Variants in TMEM63B observed in about 807,000 individuals in gnomAD.
The protein encoded by TMEM63B is mechanosensitive cation channel TMEM63B.
Under a neutral mutation model 102.6 loss-of-function variants are expected in TMEM63B, and 23 were observed. The observed-to-expected ratio is 0.22, with a 90% CI of 0.16 to 0.32. The LOEUF (loss-of-function observed/expected upper bound fraction) is 0.32. TMEM63B is among the 10% of genes least tolerant of loss of function. TMEM63B has a pLI of 1.00. For synonymous variants in TMEM63B, 444 were observed against 437.0 expected (o/e 1.02, Z -0.20); for missense variants, 628 against 1,095.9 (o/e 0.57, Z 6.03).
rs367565367 is a variant in TMEM63B, at chr6:44,154,826, G to A, written c.2442G>A (p.Thr814=). Residue 814 remains threonine, a synonymous_variant, in exon 24 of 24, where the codon ACG becomes ACA. Transcript: ENST00000323267. ...TGCTGATGCCACCCGACGCCCTCAC[G>A]GACACAGACTTCCAGTCTTGCGAGG... ...EELLMPPDAL[T]DTDFQSCEDS... is the part of the protein sequence containing the mutation. 3.0e-5 allele frequency: 49 copies of A among 1,609,672 alleles called. No individual in the cohort carries two copies. In the African/African-American group the frequency reaches 5.8e-4, roughly 19 times the overall value.
intron 6 of TMEM63B, 52 bp from the exon 7 acceptor site, chr6:44,139,415 C>A: frequency 6.2e-7 from 1 of 1,601,096 alleles, no homozygotes; most frequent in Non-Finnish European, 8.5e-7. Flanking sequence ...TTGCAGCCCC[C>A]TTCTTGCCCT....
Position 44,148,180 on chromosome 6 carries a change from G to C in TMEM63B, c.988-72G>C, listed in dbSNP as rs1765827960. On this transcript the variant is annotated intron_variant, in intron 12 of 23. Coordinates refer to ENST00000323267, the MANE Select transcript of TMEM63B (RefSeq NM_018426.3). This position sits in a 1 kb window ranked among gnomAD's most constrained non-coding sequence, Gnocchi z 5.1. Reference sequence around the variant, plus strand: ...CTGGCTTGTAGGAAGCCCCAAGTCAGCGTGGGCTGGATGCTGCAGGCCCCA... The same window carrying C: ...CTGGCTTGTAGGAAGCCCCAAGTCACCGTGGGCTGGATGCTGCAGGCCCCA... 1.3e-6 allele frequency: 2 copies of C among 1,588,778 alleles called. No homozygotes were observed. The highest frequency in any genetic ancestry group is 1.7e-6 in the Non-Finnish European group (2 of 1,167,352).
Position 44,150,929 on chromosome 6 carries a change from G to A in TMEM63B, c.1673+300G>A, listed in dbSNP as rs746997347. Among the ~76,000 whole-genome samples the A allele has an allele frequency of 1.8e-4, 28 of 152,164 alleles. No individual in the cohort carries two copies. The highest frequency in any genetic ancestry group is 2.5e-4 in the Non-Finnish European group (17 of 68,028). On this transcript the variant is annotated intron_variant, in intron 18 of 23. Coordinates refer to ENST00000323267, the MANE Select transcript of TMEM63B (RefSeq NM_018426.3). The surrounding 1 kb of genome is among the most constrained non-coding windows in gnomAD (Gnocchi z 4.7). ...CCACATTCTGGTAGTTTCTATGGGG[G>A]TGTCTTGTGCCCATATTCTGGGACT... is the stretch of plus-strand genomic sequence containing the variant.
At chr6:44,144,672 C>T (rs10428725) in intron 10 of TMEM63B, among the ~76,000 whole-genome samples, 26,602 of 151,760 alleles carry the variant, frequency 0.18, 2,596 homozygotes, top group Non-Finnish European at 0.22. Flanking sequence ...TCATAGCTCA[C>T]TGCAGCCTTG....
intron 4 of TMEM63B, among the ~76,000 whole-genome samples, chr6:44,135,775 C>T (rs935690735): frequency 6.6e-6 from 1 of 152,212 alleles, no homozygotes; most frequent in African/African-American, 2.4e-5. Context: ...TTCTGGAGGC[C>T]TGGGAGGAGG....
intron 1 of TMEM63B, among the ~76,000 whole-genome samples, chr6:44,128,636 A>G (rs1209027126): frequency 6.6e-6 from 1 of 152,188 alleles, no homozygotes; most frequent in Non-Finnish European, 1.5e-5. Flanking sequence ...TGAGCACTCC[A>G]CCGCCCTGGG....
Position 44,150,714 on chromosome 6 carries a change from G to A in TMEM63B, c.1673+85G>A. 1.4e-6 allele frequency: 2 copies of A among 1,399,740 alleles called. No homozygotes were observed. Among genetic ancestry groups the A allele is most frequent in the Non-Finnish European group, 2.0e-6 (2 of 995,026 alleles). 86.7% of individuals were successfully genotyped at this position (1,399,740 alleles called of 1,614,324 possible). On this transcript the variant is annotated intron_variant, in intron 18 of 23. Coordinates refer to ENST00000323267, the MANE Select transcript of TMEM63B (RefSeq NM_018426.3). The surrounding 1 kb of genome is among the most constrained non-coding windows in gnomAD (Gnocchi z 4.7). ...GACATTGCCAGCCCCATGGGAGGGT[G>A]CAACAAAGCTTCCAACTCCTGGAGG...
At position 44,154,744 on chromosome 6, in the gene TMEM63B, G is replaced by A. The variant is rs948115415; in HGVS notation, c.2360G>A (p.Gly787Glu). ...QDSEVDGDGDGAPGSSGDEPP... is the reference protein window; with the variant it reads ...QDSEVDGDGDEAPGSSGDEPP... ...TCAGAGGTGGACGGGGATGGGGATG[G>A]GGCTCCTGGGAGCTCAGGGGATGAG... Residue 787 changes from glycine (G) to glutamate (E), a missense_variant, in exon 24 of 24, where the codon GGG (glycine) becomes GAG (glutamate). By Grantham distance (98) the Gly-to-Glu change is moderately conservative (BLOSUM62 -2). This residue lies in a region of TMEM63B where 129 missense variants were observed against 153.5 expected (regional missense o/e 0.84). Coordinates refer to ENST00000323267, the MANE Select transcript of TMEM63B (RefSeq NM_018426.3). 1 of 1,594,034 alleles carries A rather than the reference G, an allele frequency of 6.3e-7. No individual in the cohort carries two copies.
chr6:44,152,091 A>AG lies in TMEM63B; in HGVS notation c.1836+87dup, dbSNP rs1766797306. 6 of 1,469,740 alleles carry AG rather than the reference A, an allele frequency of 4.1e-6. No homozygotes were observed. Among genetic ancestry groups the AG allele is most frequent in the Non-Finnish European group, 5.4e-6 (6 of 1,106,398 alleles). 91.0% of individuals were successfully genotyped at this position (1,469,740 alleles called of 1,614,324 possible). On this transcript the variant is annotated intron_variant, in intron 19 of 23. Transcript: ENST00000323267. This position sits in a 1 kb window ranked among gnomAD's most constrained non-coding sequence, Gnocchi z 6.4. ...AACAGCAGCCATCGCGCTAGGGTTG[A>AG]GGGGCACAGGAGGGCTGAGACTTGG...
rs771710557 is a variant in TMEM63B, at chr6:44,151,994, C to T, written c.1822C>T (p.Arg608Cys). 1.9e-6 allele frequency: 3 copies of T among 1,609,898 alleles called. No individual in the cohort carries two copies. The highest frequency in any genetic ancestry group is 2.2e-5 in the East Asian group (1 of 44,714). ...CCTGGCGCGCTCGGCCGCCGAGAGG[C>T]GCAACGTGAAGCGGGTACGGCCGCC... ...LCLARSAAER[R>C]NVKRHQAYEF... The change falls in exon 19 of 24, where the codon CGC becomes TGC. Residue 608 changes from arginine to cysteine, a missense_variant. Coordinates refer to ENST00000323267, the MANE Select transcript of TMEM63B (RefSeq NM_018426.3).
At chr6:44,134,875 G>A (rs747056466) in intron 2 of TMEM63B, 132 bp downstream of exon 2, 85 of 1,492,550 alleles carry the variant, frequency 5.7e-5, no homozygotes, top group Admixed American at 1.1e-4. Context: ...CCATCATCCA[G>A]CCCAAGCCTC....
In TMEM63B at chr6:44,152,773, C is replaced by A; in HGVS notation, c.1942+75C>A. ...CTTCACCCTCTCCACTCTAGGAATG[C>A]AGGCCACCCCGAGTGGACAGGGCCC... On this transcript the variant is annotated intron_variant, in intron 20 of 23. Transcript: ENST00000323267. The surrounding 1 kb of genome is among the most constrained non-coding windows in gnomAD (Gnocchi z 6.4). 3 of 1,275,932 alleles carry A rather than the reference C, an allele frequency of 2.4e-6. No homozygotes were observed. The highest frequency in any genetic ancestry group is 1.8e-5 in the Admixed American group (1 of 54,458). The allele number at this position is 1,275,932 out of a possible 1,614,324, so 79.0% of individuals were successfully genotyped here. A position where few individuals can be genotyped will look rare whatever the true frequency, so the allele number is the denominator to read the frequency against.
rs1457831875 is a variant in TMEM63B at position 44,141,109 on chromosome 6, C to T, written c.782+11C>T. ...CAAGAAGCATTTTGAGTGAGTAAGC[C>T]ACGCTTCCCCCTACCCTCAAGCCCT... On this transcript the variant is annotated intron_variant, in intron 10 of 23. Coordinates refer to ENST00000323267, the MANE Select transcript of TMEM63B (RefSeq NM_018426.3). 6.2e-7 allele frequency: 1 copy of T among 1,613,368 alleles called. No individual in the cohort carries two copies. The highest frequency in any genetic ancestry group is 2.2e-5 in the East Asian group (1 of 44,870).
intron 22 of TMEM63B, 35 bp from the exon 23 acceptor site, chr6:44,154,330 G>GC (rs745868370): frequency 1.9e-6 from 3 of 1,611,994 alleles, no homozygotes; most frequent in Admixed American, 1.7e-5. Flanking sequence ...CTGAGGACAT[G>GC]CCCCCACTTC....
chr6:44,130,161 C>G (rs1377697480), intron 1 of TMEM63B, among the ~76,000 whole-genome samples: 4 of 152,204 alleles, frequency 2.6e-5, no homozygotes, highest in African/African-American at 9.7e-5. Flanking sequence ...GTGGAAGTGG[C>G]TCTTGTTTGC....
intron 10 of TMEM63B, among the ~76,000 whole-genome samples, chr6:44,141,352 C>T (rs1764228217): frequency 2.6e-5 from 4 of 152,188 alleles, no homozygotes; most frequent in Admixed American, 2.6e-4. Flanking sequence ...CAAACCTCCT[C>T]CTGGCTCAGA....
rs1175385540 is a variant in TMEM63B at position 44,148,269 on chromosome 6, C to T, written c.1005C>T (p.Tyr335=). 6.2e-7 allele frequency: 1 copy of T among 1,614,122 alleles called. No homozygotes were observed. The highest frequency in any genetic ancestry group is 8.5e-7 in the Non-Finnish European group (1 of 1,180,050). ...CCACAAAGGTGGAGGCCATTGAGTA[C>T]TACACAAAGCTGGAGCAGAAGCTGA... is the stretch of plus-strand genomic sequence containing the variant. The part of the protein sequence containing the change: ...RGCEQVEAIE[Y]YTKLEQKLKE... Residue 335 remains tyrosine (Y), a synonymous_variant, in exon 13 of 24, where the codon TAC becomes TAT. Coordinates refer to ENST00000323267, the MANE Select transcript of TMEM63B (RefSeq NM_018426.3). The surrounding 1 kb of genome is among the most constrained non-coding windows in gnomAD (Gnocchi z 5.1).
At chr6:44,132,597 A>G (rs1762163949) in intron 1 of TMEM63B, among the ~76,000 whole-genome samples, 3 of 152,162 alleles carry the variant, frequency 2.0e-5, no homozygotes, top group Admixed American at 1.3e-4. Context: ...TTAACCTCCC[A>G]TAGTGCCCCA....
At chr6:44,139,389 G>A (rs1405214634) in intron 6 of TMEM63B, 78 bp from the exon 7 acceptor site, 1 of 1,573,334 alleles carries the variant, frequency 6.4e-7, no homozygotes, top group East Asian at 2.3e-5. Flanking sequence ...GGTGGGAGTG[G>A]GTGAGGGCAG....
Sources: gnomAD v4.1 joint callset for allele counts (sites outside exome capture counted in the v4.1 genomes callset) on GRCh38, gnomAD v4.1.1 for gene constraint, gnomAD v4.1.1 regional missense constraint, Gnocchi (gnomAD v3.1) non-coding constraint, MANE v1.5 for transcripts, NCBI Gene and HGNC (gene_info 2026-07-23, HGNC 2026-07-21) for gene names.